CREB1: variants seen among roughly 807,000 people sequenced by gnomAD.
The protein encoded by CREB1 is cAMP responsive element binding protein 1.
Under a neutral mutation model 42.0 loss-of-function variants are expected in CREB1, and 2 were observed. The observed-to-expected ratio is 0.05, with a 90% CI of 0.02 to 0.15. The LOEUF is 0.15. Ranked by LOEUF, CREB1 falls within the 10% of genes least tolerant of loss-of-function variation. The pLI, the probability that CREB1 is intolerant of heterozygous loss-of-function variation, is 1.00. For missense variants in CREB1, 199 were observed against 388.9 expected (o/e 0.51, Z 4.11); for synonymous variants, 123 against 139.9 (o/e 0.88, Z 0.85).
At chr2:207,555,539 T>C (rs1010608383) in intron 1 of CREB1, 89 bp from the exon 2 acceptor site, 3 of 699,646 alleles carry the variant, frequency 4.3e-6, no homozygotes, top group African/African-American at 3.6e-5. Flanking sequence ...CCACCACATA[T>C]ATACCTATTT....
intron 1 of CREB1, among the ~76,000 whole-genome samples, chr2:207,530,617 C>A (rs1168068192): frequency 6.7e-6 from 1 of 148,998 alleles, no homozygotes; most frequent in Non-Finnish European, 1.5e-5. Context: ...CGGCCCGACC[C>A]GGCCGGGCCT....
rs145940427 is a variant in CREB1, at chr2:207,605,283, G to A, written c.*8225G>A. The stretch of plus-strand genomic sequence containing the variant: ...CCTCATGGGTGTGGTCTCTCATTGT[G>A]GTTTTGATTTGCATTTCCCTGATTA... On this transcript the variant is annotated 3_prime_UTR_variant, in exon 8 of 8. Coordinates refer to ENST00000353267, the MANE Select transcript of CREB1 (RefSeq NM_004379.5). Among the ~76,000 whole-genome samples, 659 of 152,190 alleles carry A rather than the reference G, an allele frequency of 4.3e-3. No homozygotes were observed. Among genetic ancestry groups the A allele is most frequent in the Non-Finnish European group, 7.0e-3 (478 of 68,008 alleles).
At chr2:207,560,901 A>T (rs1331280089) in intron 3 of CREB1, among the ~76,000 whole-genome samples, 1 of 152,184 alleles carries the variant, frequency 6.6e-6, no homozygotes, top group Non-Finnish European at 1.5e-5. Flanking sequence ...GAATTATACT[A>T]TGCATGTTAT....
intron 5 of CREB1, among the ~76,000 whole-genome samples, chr2:207,571,373 C>G (rs1039501774): frequency 1.2e-4 from 18 of 151,912 alleles, no homozygotes; most frequent in African/African-American, 4.1e-4. Flanking sequence ...AAAGTTTGAC[C>G]CCCATGTTAT....
chr2:207,535,689 A>C (rs900592794), intron 1 of CREB1, among the ~76,000 whole-genome samples: 1 of 151,914 alleles, frequency 6.6e-6, no homozygotes, highest in South Asian at 2.1e-4. Context: ...CCTTTGGTCA[A>C]CCAGTTGGAC....
chr2:207,594,006 G>T (rs1414754691), intron 7 of CREB1, among the ~76,000 whole-genome samples: 2 of 152,064 alleles, frequency 1.3e-5, no homozygotes, highest in Non-Finnish European at 2.9e-5. Flanking sequence ...GATTACAGGG[G>T]TGAGCCACCA....
At chr2:207,532,942 A>G (rs1423529601) in intron 1 of CREB1, among the ~76,000 whole-genome samples, 2 of 151,984 alleles carry the variant, frequency 1.3e-5, no homozygotes, top group African/African-American at 4.8e-5. Flanking sequence ...TTATACATTC[A>G]TAATTTGTGA....
intron 1 of CREB1, among the ~76,000 whole-genome samples, chr2:207,543,001 C>T (rs2081155844): frequency 6.6e-6 from 1 of 152,144 alleles, no homozygotes; most frequent in Admixed American, 6.5e-5. Flanking sequence ...GGAATTGGTT[C>T]CAGGACCCCT....
chr2:207,574,116 C>G (rs1394899991), intron 5 of CREB1, among the ~76,000 whole-genome samples: 2 of 152,196 alleles, frequency 1.3e-5, no homozygotes, highest in Non-Finnish European at 2.9e-5. Context: ...ATTAACTCTT[C>G]TTACTTCTTG....
At chr2:207,595,013 C>CT (rs1205995801) in intron 7 of CREB1, among the ~76,000 whole-genome samples, 1 of 39,530 alleles carries the variant, frequency 2.5e-5, no homozygotes, top group Non-Finnish European at 5.1e-5. Flanking sequence ...TTTTTTTTTT[C>CT]TGAGATGGAG....
Position 207,577,555 on chromosome 2 carries a change from A to G in CREB1, c.739A>G (p.Thr247Ala), listed in dbSNP as rs1302292270. 1 of 1,614,000 alleles carries G rather than the reference A, an allele frequency of 6.2e-7. No individual in the cohort carries two copies. The highest frequency in any genetic ancestry group is 1.1e-5 in the South Asian group (1 of 91,084). ...CCAGATTCGCACAGCACCCACTAGC[A>G]CTATTGCCCCTGGAGTTGTTATGGC... ...TYQIRTAPTS[T>A]IAPGVVMASS... is the part of the protein sequence containing the mutation. Residue 247 changes from threonine to alanine, a missense_variant, in exon 7 of 8, where the codon ACT becomes GCT. Thr to Ala is a moderately conservative substitution (Grantham distance 58). Transcript: ENST00000353267.
At chr2:207,595,417 A>G (rs1486699554) in intron 7 of CREB1, among the ~76,000 whole-genome samples, 2 of 151,522 alleles carry the variant, frequency 1.3e-5, no homozygotes, top group Non-Finnish European at 2.9e-5. Flanking sequence ...TATATATTCT[A>G]GATTTTTTTT....
rs545769828 is a variant in CREB1, at chr2:207,600,838, T to C, written c.*3780T>C. On this transcript the variant is annotated 3_prime_UTR_variant, in exon 8 of 8. Coordinates refer to ENST00000353267, the MANE Select transcript of CREB1 (RefSeq NM_004379.5). ...ATCATTTCTACCTTTTGGGGTGACA[T>C]GTGGAATCATACAAAGGCTTAGGAA... The C allele has an allele frequency of 1.2e-4, 25 of 206,466 alleles. No individual in the cohort carries two copies. The highest frequency in any genetic ancestry group is 2.2e-4 in the Non-Finnish European group (22 of 101,022). The allele number at this position is 206,466 out of a possible 1,614,324, so 12.8% of individuals were successfully genotyped here.
At chr2:207,588,381 T>A (rs2084286565) in intron 7 of CREB1, among the ~76,000 whole-genome samples, 1 of 152,220 alleles carries the variant, frequency 6.6e-6, no homozygotes, top group Admixed American at 6.5e-5. Flanking sequence ...TGGATATCTT[T>A]CCATTGATCT....
At chr2:207,537,751 T>G (rs2080932477) in intron 1 of CREB1, among the ~76,000 whole-genome samples, 1 of 152,196 alleles carries the variant, frequency 6.6e-6, no homozygotes, top group Admixed American at 6.5e-5. Context: ...CACACTCTTG[T>G]CTTATCTACT....
At chr2:207,543,311 CAAGAATTT>C (rs1392848068) in intron 1 of CREB1, among the ~76,000 whole-genome samples, 3 of 152,054 alleles carry the variant, frequency 2.0e-5, no homozygotes, top group South Asian at 2.1e-4. Context: ...AACTATGATC[CAAGAATTT>C]GTTATTTATT....
intron 7 of CREB1, among the ~76,000 whole-genome samples, chr2:207,587,770 T>C (rs2084158827): frequency 6.6e-6 from 1 of 152,026 alleles, no homozygotes; most frequent in African/African-American, 2.4e-5. Flanking sequence ...GAGAGTAAAA[T>C]TGTGGGTATT....
chr2:207,596,953 T>C lies in CREB1; in HGVS notation c.879T>C (p.Tyr293=), dbSNP rs1186667443. 12 of 1,611,938 alleles carry C rather than the reference T, an allele frequency of 7.4e-6. No individual in the cohort carries two copies. Among genetic ancestry groups the C allele is most frequent in the Non-Finnish European group, 1.0e-5 (12 of 1,179,436 alleles). The part of the protein sequence containing the change: ...ARECRRKKKE[Y]VKCLENRVAV... ...AGTGTCGTAGAAAGAAGAAAGAATA[T>C]GTGAAATGTTTAGAAAACAGAGTGG... Residue 293 remains tyrosine, a synonymous_variant, in exon 8 of 8, where the codon TAT becomes TAC. Transcript: ENST00000353267.
At chr2:207,555,837 A>G (rs2106455556) in intron 2 of CREB1, 88 bp downstream of exon 2, 1 of 762,114 alleles carries the variant, frequency 1.3e-6, no homozygotes, top group East Asian at 2.7e-5. Context: ...ACATAGATAT[A>G]CATAGAATGA....
Sources: allele counts gnomAD v4.1 joint callset (sites outside exome capture counted in the v4.1 genomes callset), GRCh38; gene constraint gnomAD v4.1.1; transcripts MANE v1.5; gene names NCBI Gene and HGNC (gene_info 2026-07-23, HGNC 2026-07-21).